Variants in LDLRAD4 observed in about 807,000 individuals in gnomAD.
The protein encoded by LDLRAD4 is low-density lipoprotein receptor class A domain-containing protein 4.
A neutral mutation model predicts 17.0 loss-of-function variants in LDLRAD4; 5 were observed. The observed-to-expected ratio is 0.29, with a 90% CI of 0.15 to 0.62. The LOEUF is 0.62. Among genes scored for constraint, LDLRAD4 ranks in the 20% least tolerant of loss-of-function variants. The pLI is 0.84. For synonymous variants in LDLRAD4, 168 were observed against 171.8 expected (o/e 0.98, Z 0.17); for missense variants, 340 against 424.7 (o/e 0.80, Z 1.75).
rs566214988 is a variant in LDLRAD4 at position 13,548,363 on chromosome 18, G to A, written c.182-72754G>A. 2.2e-4 allele frequency among the ~76,000 whole-genome samples: 34 copies of A among 152,292 alleles called. No individual in the cohort carries two copies. The South Asian group carries it at 5.8e-3, about 26-fold the overall frequency. On this transcript the variant is annotated intron_variant, in intron 3 of 5. Coordinates refer to ENST00000359446, the Ensembl canonical transcript of LDLRAD4. ...TGCTGCTGTTCATGGCATTCATGGCGCCCAGGCTGTTGGTGCCAAGGGGTG... is the reference window on the plus strand; with the variant it reads ...TGCTGCTGTTCATGGCATTCATGGCACCCAGGCTGTTGGTGCCAAGGGGTG...
intron 1 of LDLRAD4, among the ~76,000 whole-genome samples, chr18:13,303,928 C>T (rs1004887537): frequency 6.6e-6 from 1 of 152,202 alleles, no homozygotes; most frequent in Non-Finnish European, 1.5e-5. Flanking sequence ...CAAAGGCCCA[C>T]GAGTCATCTG....
At chr18:13,625,847 G>A (rs1278125377) in intron 4 of LDLRAD4, among the ~76,000 whole-genome samples, 1 of 128,244 alleles carries the variant, frequency 7.8e-6, no homozygotes, top group Non-Finnish European at 1.6e-5. Flanking sequence ...CCCCACCAGA[G>A]CCCTCCTCCC....
chr18:13,615,648 A>G lies in LDLRAD4; in HGVS notation c.182-5469A>G, dbSNP rs558476045. 2.0e-5 allele frequency: 3 copies of G among 152,390 alleles called. No homozygotes were observed. In the South Asian group the frequency reaches 6.2e-4, roughly 32 times the overall value. 9.4% of individuals were successfully genotyped at this position (152,390 alleles called of 1,614,324 possible). A position where few individuals can be genotyped will look rare whatever the true frequency, so the allele number is the denominator to read the frequency against. On this transcript the variant is annotated intron_variant, in intron 3 of 5. Coordinates refer to ENST00000359446, the Ensembl canonical transcript of LDLRAD4. ...GTTTCCATAAAAATAGAGAGATGCC[A>G]TCATCACTGTCGTCACTGTCACTGC...
intron 3 of LDLRAD4, among the ~76,000 whole-genome samples, chr18:13,565,704 GGAAGGAGATGGGT>G (rs1197598446): frequency 6.6e-5 from 10 of 152,346 alleles, no homozygotes; most frequent in Admixed American, 3.3e-4. Context: ...CTCTGCCATG[GGAAGGAGATGGGT>G]GTGCTCAATG....
At chr18:13,347,994 T>A (rs2082799100) in intron 1 of LDLRAD4, among the ~76,000 whole-genome samples, 1 of 152,230 alleles carries the variant, frequency 6.6e-6, no homozygotes, top group African/African-American at 2.4e-5. Context: ...TCAAGGTTTT[T>A]AACTTCTTTG....
upstream of LDLRAD4, among the ~76,000 whole-genome samples, chr18:13,218,309 C>T (rs1349545474): frequency 2.0e-5 from 3 of 152,162 alleles, no homozygotes; most frequent in African/African-American, 2.4e-5. Flanking sequence ...TGCCGGTGGG[C>T]ACGGCGGGGA....
chr18:13,326,979 T>G (rs1282285267), intron 1 of LDLRAD4, among the ~76,000 whole-genome samples: 1 of 152,102 alleles, frequency 6.6e-6, no homozygotes, highest in African/African-American at 2.4e-5. Context: ...GCAGACATCT[T>G]TTTCTTCTCA....
At chr18:13,324,291 C>T (rs1488058957) in intron 1 of LDLRAD4, among the ~76,000 whole-genome samples, 1 of 148,526 alleles carries the variant, frequency 6.7e-6, no homozygotes, top group Non-Finnish European at 1.5e-5. Flanking sequence ...GTGCCTGCCA[C>T]CACACCTGGC....
chr18:13,370,682 A>C (rs2084398195), intron 1 of LDLRAD4, among the ~76,000 whole-genome samples: 1 of 143,668 alleles, frequency 7.0e-6, no homozygotes, highest in Non-Finnish European at 1.5e-5. Flanking sequence ...CTTTAGATGT[A>C]GGCAGTGTCT....
chr18:13,299,143 CA>C (rs1446045233), intron 1 of LDLRAD4, among the ~76,000 whole-genome samples: 1 of 152,208 alleles, frequency 6.6e-6, no homozygotes, highest in Non-Finnish European at 1.5e-5. Context: ...CCTTCCCTGC[CA>C]GGGGCTTGCT....
intron 1 of LDLRAD4, among the ~76,000 whole-genome samples, chr18:13,327,392 A>G (rs1332499625): frequency 2.8e-4 from 43 of 152,042 alleles, no homozygotes; most frequent in Non-Finnish European, 2.9e-5. Context: ...GACAAGCAGC[A>G]GCACCACCAC....
In LDLRAD4 at chr18:13,382,010, G is replaced by A. The variant is rs964919639; in HGVS notation, c.-382-5331G>A. Among the ~76,000 whole-genome samples the A allele has an allele frequency of 4.6e-5, 7 of 152,336 alleles. No individual in the cohort carries two copies. In the South Asian group the frequency reaches 8.3e-4, roughly 18 times the overall value. On this transcript the variant is annotated intron_variant, in intron 1 of 5. Transcript: ENST00000359446. ...GGCCAGGGATCGGCATCCACAGGCC[G>A]GGGCTCGGCCCTGAGCGTCTGTGGG... is the stretch of plus-strand genomic sequence containing the variant.
chr18:13,406,461 T>A (rs929686428), intron 2 of LDLRAD4, among the ~76,000 whole-genome samples: 3 of 152,194 alleles, frequency 2.0e-5, no homozygotes, highest in Admixed American at 2.0e-4. Flanking sequence ...CCTGGCATCA[T>A]GCAGAACACC....
chr18:13,471,998 C>T (rs2092789202), intron 3 of LDLRAD4: 1 of 152,278 alleles, frequency 6.6e-6, no homozygotes, highest in Non-Finnish European at 1.5e-5. Flanking sequence ...TTTCCACCTT[C>T]TGTGCAGAGA....
At chr18:13,532,829 A>G (rs949095608) in intron 3 of LDLRAD4, among the ~76,000 whole-genome samples, 7 of 152,158 alleles carry the variant, frequency 4.6e-5, no homozygotes, top group African/African-American at 1.7e-4. Context: ...CTGGGGTGTG[A>G]TGGCATGCCT....
At chr18:13,230,815 C>T (rs2042033641) in intron 1 of LDLRAD4, among the ~76,000 whole-genome samples, 1 of 152,216 alleles carries the variant, frequency 6.6e-6, no homozygotes. Flanking sequence ...TCCTTTGCCG[C>T]CCTGACTCTC....
intron 4 of LDLRAD4, among the ~76,000 whole-genome samples, chr18:13,623,506 G>A (rs2040847333): frequency 6.6e-6 from 1 of 152,202 alleles, no homozygotes; most frequent in African/African-American, 2.4e-5. Context: ...GTCCCTCCTC[G>A]AGGTGTGGCT....
rs545425885 is a variant in LDLRAD4 at position 13,625,806 on chromosome 18, C to T, written c.336+4535C>T. On this transcript the variant is annotated intron_variant, in intron 4 of 5. Transcript: ENST00000359446. The stretch of plus-strand genomic sequence containing the variant: ...CCAGCACCCTCCTCCCCTCAGCCGG[C>T]GCCCTCCTCCCCCCGCCAGAGCCCT... Among the ~76,000 whole-genome samples the T allele has an allele frequency of 1.2e-4, 14 of 116,456 alleles. No individual in the cohort carries two copies. In the South Asian group the frequency reaches 2.3e-3, roughly 19 times the overall value. 76.4% of individuals were successfully genotyped at this position (116,456 alleles called of 152,430 possible).
chr18:13,465,737 T>C (rs949566777), intron 3 of LDLRAD4, among the ~76,000 whole-genome samples: 2 of 152,234 alleles, frequency 1.3e-5, no homozygotes, highest in African/African-American at 4.8e-5. Context: ...ATGATTGTTA[T>C]GGGAAAGACA....
Sources: allele counts gnomAD v4.1 joint callset (sites outside exome capture counted in the v4.1 genomes callset), GRCh38; gene constraint gnomAD v4.1.1; transcripts MANE v1.5; gene names NCBI Gene and HGNC (gene_info 2026-07-23, HGNC 2026-07-21).